Variants in ALK observed in about 807,000 individuals in gnomAD.
ALK encodes the protein ALK receptor tyrosine kinase, also known as ALK tyrosine kinase receptor.
Under a neutral mutation model 163.1 loss-of-function variants are expected in ALK, and 74 were observed. That is an observed-to-expected ratio of 0.45 (90% CI 0.38 to 0.55). The LOEUF (loss-of-function observed/expected upper bound fraction) is 0.55, where lower values mean the gene tolerates loss of function less well. Among genes scored for constraint, ALK ranks in the 20% least tolerant of loss-of-function variants. The pLI, the probability that ALK is intolerant of heterozygous loss-of-function variation, is 0.00. For missense variants in ALK, 2,063 were observed against 2,105.3 expected (o/e 0.98, Z 0.39); for synonymous variants, 960 against 843.2 (o/e 1.14, Z -2.40).
chr2:29,837,410 C>A (rs1661959413), intron 1 of ALK, among the ~76,000 whole-genome samples: 1 of 152,178 alleles, frequency 6.6e-6, no homozygotes, highest in Non-Finnish European at 1.5e-5. Context: ...TCCCTTGAGT[C>A]TTTGGCTGAA....
intron 1 of ALK, among the ~76,000 whole-genome samples, chr2:29,919,159 A>G (rs1667915433): frequency 6.6e-6 from 1 of 152,222 alleles, no homozygotes; most frequent in Non-Finnish European, 1.5e-5. Context: ...CAGTGAAACA[A>G]GCTGCCAGAG....
chr2:29,367,828 C>A (rs1310961170), intron 5 of ALK, among the ~76,000 whole-genome samples: 1 of 152,126 alleles, frequency 6.6e-6, no homozygotes, highest in Admixed American at 6.5e-5. Context: ...TTGTCTTTGC[C>A]TATAATTACA....
chr2:29,746,024 T>A (rs1224721728), intron 1 of ALK, among the ~76,000 whole-genome samples: 1 of 152,148 alleles, frequency 6.6e-6, no homozygotes, highest in Non-Finnish European at 1.5e-5. Context: ...TACTTTTCCA[T>A]CCCCTTATGA....
At chr2:29,865,663 C>A (rs561833412) in intron 1 of ALK, among the ~76,000 whole-genome samples, 43 of 152,214 alleles carry the variant, frequency 2.8e-4, no homozygotes, top group African/African-American at 9.9e-4. Flanking sequence ...CAGGGGTATG[C>A]GGTTGGGGAT....
At chr2:29,314,085 G>A (rs1666763777) in intron 8 of ALK, among the ~76,000 whole-genome samples, 1 of 152,132 alleles carries the variant, frequency 6.6e-6, no homozygotes, top group Admixed American at 6.5e-5. Flanking sequence ...CTGAGAGGCT[G>A]GAGGGAAGGA....
chr2:29,820,514 A>C (rs1283355862), intron 1 of ALK, among the ~76,000 whole-genome samples: 1 of 152,234 alleles, frequency 6.6e-6, no homozygotes. Context: ...ATGCTGCAGT[A>C]GATAACCAAT....
intron 5 of ALK, among the ~76,000 whole-genome samples, chr2:29,382,803 A>G (rs901055711): frequency 1.3e-5 from 2 of 152,222 alleles, no homozygotes; most frequent in Non-Finnish European, 2.9e-5. Context: ...CTATCACATT[A>G]TGGTGATTTT....
chr2:29,548,803 A>G (rs1009082368), intron 3 of ALK, among the ~76,000 whole-genome samples: 3 of 152,202 alleles, frequency 2.0e-5, no homozygotes, highest in Non-Finnish European at 4.4e-5. Context: ...TATCTAAAGC[A>G]GTGTCATATT....
intron 3 of ALK, chr2:29,681,125 T>A (rs1473732839): frequency 1.3e-5 from 2 of 152,186 alleles, no homozygotes; most frequent in African/African-American, 2.4e-5. Flanking sequence ...ACCTGCTTTG[T>A]TTACGACATG....
At chr2:29,290,189 C>A (rs1259985512) in intron 9 of ALK, among the ~76,000 whole-genome samples, 1 of 152,176 alleles carries the variant, frequency 6.6e-6, no homozygotes, top group Non-Finnish European at 1.5e-5. Context: ...TGTTTAATGG[C>A]AAGTTCTTAA....
intron 3 of ALK, among the ~76,000 whole-genome samples, chr2:29,538,334 C>A (rs1158637180): frequency 6.6e-6 from 1 of 152,118 alleles, no homozygotes; most frequent in Non-Finnish European, 1.5e-5. Context: ...TGGTTTAATA[C>A]AACCCCCTTG....
chr2:29,710,926 A>C (rs905306178), intron 2 of ALK, among the ~76,000 whole-genome samples: 2 of 152,156 alleles, frequency 1.3e-5, no homozygotes, highest in African/African-American at 4.8e-5. Flanking sequence ...GGCATTTCAA[A>C]TGTAACTTGA....
intron 1 of ALK, among the ~76,000 whole-genome samples, chr2:29,744,486 C>G (rs1430529878): frequency 6.6e-6 from 1 of 152,128 alleles, no homozygotes; most frequent in African/African-American, 2.4e-5. Context: ...TCAACTCTAG[C>G]TCGCTTGGGT....
intron 1 of ALK, among the ~76,000 whole-genome samples, chr2:29,744,573 T>A (rs950456375): frequency 1.3e-5 from 2 of 152,112 alleles, no homozygotes; most frequent in African/African-American, 4.8e-5. Context: ...GACTTTTTTT[T>A]AATTAACTGA....
At chr2:29,883,639 T>C (rs535929940) in intron 1 of ALK, among the ~76,000 whole-genome samples, 5 of 152,170 alleles carry the variant, frequency 3.3e-5, no homozygotes, top group Non-Finnish European at 7.3e-5. Context: ...CTAACTCAGA[T>C]TCAGTGGGGT....
chr2:29,541,720 C>A (rs866091215), intron 3 of ALK, among the ~76,000 whole-genome samples: 5 of 152,206 alleles, frequency 3.3e-5, no homozygotes, highest in Non-Finnish European at 7.4e-5. Flanking sequence ...AGTATTCCTG[C>A]AAAGCTGTCT....
chr2:29,304,748 C>G (rs1296688012), intron 8 of ALK, among the ~76,000 whole-genome samples: 1 of 152,238 alleles, frequency 6.6e-6, no homozygotes, highest in African/African-American at 2.4e-5. Flanking sequence ...AAGCCAACCA[C>G]TTACCTCCTC....
rs114258606 is a variant in ALK, at chr2:29,259,418, C to T, written c.2042-8151G>A. On this transcript the variant is annotated intron_variant, in intron 11 of 28. Coordinates refer to ENST00000389048, the MANE Select transcript of ALK (RefSeq NM_004304.5). ...TAAGTATTTATATTTATTGCTCACA[C>T]CAGTCATTATGTTGCTATTTCTGTA... is the stretch of plus-strand genomic sequence containing the variant. Among the ~76,000 whole-genome samples, 1,294 of 152,218 alleles carry T rather than the reference C, an allele frequency of 8.5e-3. 26 individuals are homozygous for T. Among genetic ancestry groups the T allele is most frequent in the African/African-American group, 0.029 (1,222 of 41,546 alleles).
chr2:29,864,202 C>T lies in ALK; in HGVS notation c.667+55791G>A, dbSNP rs1271331904. On this transcript the variant is annotated intron_variant, in intron 1 of 28. Coordinates refer to ENST00000389048, the MANE Select transcript of ALK (RefSeq NM_004304.5). Reference sequence around the variant, plus strand: ...GGGTCTGTGCTCTTGTCCCTGGCTACGTACACATACCCCTCCCTTTACTTG... The same window carrying T: ...GGGTCTGTGCTCTTGTCCCTGGCTATGTACACATACCCCTCCCTTTACTTG... Among the ~76,000 whole-genome samples the T allele has an allele frequency of 4.6e-5, 7 of 152,148 alleles. No homozygotes were observed. The East Asian group carries it at 1.3e-3, about 29-fold the overall frequency.
Sources: gnomAD v4.1 joint callset for allele counts (sites outside exome capture counted in the v4.1 genomes callset) on GRCh38, gnomAD v4.1.1 for gene constraint, MANE v1.5 for transcripts, NCBI Gene and HGNC (gene_info 2026-07-23, HGNC 2026-07-21) for gene names.